RGS6: variants seen among roughly 807,000 people sequenced by gnomAD.
RGS6 encodes the protein regulator of G protein signaling 6, also known as regulator of G-protein signaling 6.
RGS6 carries 30 observed loss-of-function variants against 78.5 expected under a neutral mutation model. That is an observed-to-expected ratio of 0.38 (90% confidence interval 0.29 to 0.52). The LOEUF (loss-of-function observed/expected upper bound fraction) is 0.52, where lower values mean the gene tolerates loss of function less well. RGS6 is among the 20% of genes least tolerant of loss of function. The pLI, the probability that RGS6 is intolerant of heterozygous loss-of-function variation, is 0.85. For missense variants in RGS6, 495 were observed against 609.7 expected (o/e 0.81, Z 1.98); for synonymous variants, 206 against 206.0 (o/e 1.00, Z 0.00).
At position 72,564,969 on chromosome 14, in the gene RGS6, A is replaced by T. The variant is rs1006413181; in HGVS notation, c.*2502A>T. 1.3e-5 allele frequency: 2 copies of T among 152,294 alleles called. No homozygotes were observed. The highest frequency in any genetic ancestry group is 2.9e-5 in the Non-Finnish European group (2 of 68,100). The allele number at this position is 152,294 out of a possible 1,614,324, so 9.4% of individuals were successfully genotyped here. A position where few individuals can be genotyped will look rare whatever the true frequency, so the allele number is the denominator to read the frequency against. ...CAAGCCAGAAGCTTTGCAAGAAGGG[A>T]GTGGAACGAGGCTGCCTATCCAAGG... On this transcript the variant is annotated 3_prime_UTR_variant, in exon 18 of 18. Coordinates refer to ENST00000553525, the MANE Select transcript of RGS6 (RefSeq NM_001204424.2).
At chr14:72,443,905 C>T (rs761040504) in intron 3 of RGS6, among the ~76,000 whole-genome samples, 20 of 152,184 alleles carry the variant, frequency 1.3e-4, no homozygotes, top group Admixed American at 5.2e-4. Context: ...GGAACAGAAA[C>T]GATGTCCACA....
intron 2 of RGS6, among the ~76,000 whole-genome samples, chr14:72,046,695 C>T (rs917553211): frequency 6.6e-6 from 1 of 151,694 alleles, no homozygotes; most frequent in Non-Finnish European, 1.5e-5. Flanking sequence ...ACTCATCCTT[C>T]ACTAAAAAGA....
At chr14:72,416,871 A>G (rs1167978504) in intron 3 of RGS6, among the ~76,000 whole-genome samples, 1 of 152,244 alleles carries the variant, frequency 6.6e-6, no homozygotes, top group East Asian at 1.9e-4. Flanking sequence ...TCTCAACAAC[A>G]TGAGTCTAAT....
At chr14:72,327,531 G>T (rs2090736) in intron 2 of RGS6, among the ~76,000 whole-genome samples, 43,743 of 152,062 alleles carry the variant, frequency 0.29, 6,517 homozygotes, top group South Asian at 0.39. Flanking sequence ...CTTCCTTAAG[G>T]CATAATTAAG....
At chr14:72,343,549 G>A (rs927254784) in intron 2 of RGS6, among the ~76,000 whole-genome samples, 5 of 152,208 alleles carry the variant, frequency 3.3e-5, no homozygotes, top group Admixed American at 6.5e-5. Flanking sequence ...AGATTCCAGG[G>A]ATTAGGACAT....
At chr14:72,538,419 G>C (rs943365168) in intron 16 of RGS6, among the ~76,000 whole-genome samples, 10 of 152,210 alleles carry the variant, frequency 6.6e-5, no homozygotes, top group African/African-American at 2.4e-4. Flanking sequence ...GAAGAATCAG[G>C]TTCTCAGGGG....
chr14:72,173,017 A>G (rs2097048317), intron 2 of RGS6, among the ~76,000 whole-genome samples: 2 of 152,320 alleles, frequency 1.3e-5, no homozygotes, highest in South Asian at 4.1e-4. Context: ...GGCTGCTGCC[A>G]GGATTTCCCA....
At chr14:72,541,154 G>T in intron 17 of RGS6, 1 of 1,375,836 alleles carries the variant, frequency 7.3e-7, no homozygotes, top group Non-Finnish European at 9.6e-7. Flanking sequence ...TTCCCAAAGG[G>T]TGGCAGCCCA....
At chr14:71,953,988 T>TTTTTTTTC (rs1555399180) in intron 1 of RGS6, among the ~76,000 whole-genome samples, 1 of 147,910 alleles carries the variant, frequency 6.8e-6, no homozygotes, top group African/African-American at 2.5e-5. Context: ...TTTTTTTTTT[T>TTTTTTTTC]CCTTCAACAT....
chr14:72,070,375 TCTAAGAGCTG>T (rs1308391871), intron 2 of RGS6, among the ~76,000 whole-genome samples: 1 of 152,230 alleles, frequency 6.6e-6, no homozygotes, highest in African/African-American at 2.4e-5. Flanking sequence ...GTTTTGGGAC[TCTAAGAGCTG>T]TATGAACTCG....
chr14:72,116,967 A>C (rs2095905274), intron 2 of RGS6, among the ~76,000 whole-genome samples: 1 of 39,178 alleles, frequency 2.6e-5, no homozygotes. Flanking sequence ...CCATCTCAAA[A>C]AAAAAAAAAA....
At chr14:71,981,196 CT>C (rs2094433333) in intron 2 of RGS6, among the ~76,000 whole-genome samples, 1 of 150,344 alleles carries the variant, frequency 6.7e-6, no homozygotes, top group Non-Finnish European at 1.5e-5. Context: ...ACTTCTTTGC[CT>C]TTGGTTTGAA....
chr14:72,583,750 T>C, the RGS6 span, among the ~76,000 whole-genome samples: 1 of 152,190 alleles, frequency 6.6e-6, no homozygotes, highest in Non-Finnish European at 1.5e-5. Context: ...ATGTGTTCAA[T>C]GCAATGCTGG....
chr14:72,361,672 A>G (rs1254819270), intron 3 of RGS6, among the ~76,000 whole-genome samples: 1 of 152,204 alleles, frequency 6.6e-6, no homozygotes, highest in Non-Finnish European at 1.5e-5. Flanking sequence ...GAGCTGTGTG[A>G]ATATTGAAAT....
intron 8 of RGS6, 140 bp from the exon 9 acceptor site, chr14:72,472,732 G>A: frequency 1.6e-6 from 1 of 625,012 alleles, no homozygotes; most frequent in Non-Finnish European, 2.9e-6. Flanking sequence ...TCACAGCTCT[G>A]CAGAGAGCAG....
chr14:72,389,837 G>T (rs867776868), intron 3 of RGS6, among the ~76,000 whole-genome samples: 6 of 152,174 alleles, frequency 3.9e-5, no homozygotes, highest in African/African-American at 1.4e-4. Context: ...TAAAGTTGAA[G>T]TCTATCCCAT....
At chr14:72,258,392 CA>C (rs1175092067) in intron 2 of RGS6, among the ~76,000 whole-genome samples, 5 of 152,198 alleles carry the variant, frequency 3.3e-5, no homozygotes, top group African/African-American at 1.2e-4. Flanking sequence ...TGAATGCCTT[CA>C]GAAGGAGCAT....
At chr14:72,350,890 A>G (rs558667770) in intron 2 of RGS6, among the ~76,000 whole-genome samples, 40 of 152,342 alleles carry the variant, frequency 2.6e-4, no homozygotes, top group Middle Eastern at 3.4e-3. Flanking sequence ...TACTTAGAAT[A>G]GTACCTAGCA....
In RGS6 at chr14:72,475,182, TAA is replaced by T. The variant is rs367660690; in HGVS notation, c.693+486_693+487del. ...AGCAAGCTTTATACTTAGAAGCAAA[TAA>T]AAGTCTTTTTTATGGTTTTTTTTTT... is the stretch of plus-strand genomic sequence containing the variant. On this transcript the variant is annotated intron_variant, in intron 10 of 17. Transcript: ENST00000553525. 2.5e-3 allele frequency among the ~76,000 whole-genome samples: 357 copies of T among 143,736 alleles called. 1 individual carries two copies. Among genetic ancestry groups the T allele is most frequent in the African/African-American group, 8.8e-3 (345 of 39,306 alleles). 94.3% of individuals were successfully genotyped at this position (143,736 alleles called of 152,430 possible). A position where few individuals can be genotyped will look rare whatever the true frequency, so the allele number is the denominator to read the frequency against.
Sources: allele counts gnomAD v4.1 joint callset (sites outside exome capture counted in the v4.1 genomes callset), GRCh38; gene constraint gnomAD v4.1.1; transcripts MANE v1.5; gene names NCBI Gene and HGNC (gene_info 2026-07-23, HGNC 2026-07-21).